EXTL3: variants seen among roughly 807,000 people sequenced by gnomAD.
EXTL3 encodes the protein exostosin-like 3.
In EXTL3, 27 loss-of-function variants were observed where a neutral mutation model predicts 69.3. The ratio of observed to expected loss-of-function variants is 0.39; its 90% CI spans 0.29 to 0.54. The LOEUF (loss-of-function observed/expected upper bound fraction) is 0.54. EXTL3 is among the 20% of genes least tolerant of loss of function. The pLI is 0.69. For missense variants in EXTL3, 1,003 were observed against 1,231.8 expected (o/e 0.81, Z 2.78); for synonymous variants, 511 against 499.4 (o/e 1.02, Z -0.31).
At chr8:28,620,750 C>G (rs906004003), upstream of EXTL3, among the ~76,000 whole-genome samples, 1 of 152,212 alleles carries the variant, frequency 6.6e-6, no homozygotes, top group African/African-American at 2.4e-5. Context: ...GGGTCTCACT[C>G]TATCACTCAG....
intron 4 of EXTL3, among the ~76,000 whole-genome samples, chr8:28,735,100 T>C (rs900752294): frequency 1.5e-5 from 2 of 132,808 alleles, no homozygotes; most frequent in African/African-American, 6.6e-5. Context: ...AGGTGTATTT[T>C]TTTTACACGA....
chr8:28,622,353 G>C (rs868704910), upstream of EXTL3, among the ~76,000 whole-genome samples: 1 of 152,364 alleles, frequency 6.6e-6, no homozygotes, highest in African/African-American at 2.4e-5. Context: ...CCTCCGCCGT[G>C]TGCAGCCGGG....
intron 2 of EXTL3, among the ~76,000 whole-genome samples, chr8:28,614,554 G>C (rs1252726236): frequency 1.3e-5 from 2 of 151,994 alleles, no homozygotes; most frequent in Non-Finnish European, 2.9e-5. Flanking sequence ...GATTACAGGT[G>C]TGAGGACCCC....
intron 3 of EXTL3, among the ~76,000 whole-genome samples, chr8:28,723,321 C>T (rs982877478): frequency 6.6e-6 from 1 of 152,200 alleles, no homozygotes; most frequent in Admixed American, 6.5e-5. Flanking sequence ...CAACATTTTA[C>T]TTAATAACTT....
chr8:28,630,854 G>A (rs533194179), intron 1 of EXTL3, among the ~76,000 whole-genome samples: 31 of 152,182 alleles, frequency 2.0e-4, no homozygotes, highest in Non-Finnish European at 3.8e-4. Context: ...AAGAAAGAAG[G>A]TATATCAGGA....
At chr8:28,741,555 A>T (rs983669305) in intron 5 of EXTL3, 1 of 151,920 alleles carries the variant, frequency 6.6e-6, no homozygotes, top group African/African-American at 2.4e-5. Context: ...GGCTCAAGTG[A>T]TCTTCTCACC....
At chr8:28,687,294 C>T (rs1049291968) in intron 1 of EXTL3, among the ~76,000 whole-genome samples, 8 of 152,124 alleles carry the variant, frequency 5.3e-5, no homozygotes, top group South Asian at 2.1e-4. Context: ...AGTGAAACCT[C>T]GCCTCTACTT....
At chr8:28,711,728 C>T in intron 1 of EXTL3, among the ~76,000 whole-genome samples, 1 of 152,038 alleles carries the variant, frequency 6.6e-6, no homozygotes, top group East Asian at 1.9e-4. Context: ...GATTCATTAA[C>T]ATTATGTTGA....
At chr8:28,612,086 C>A (rs957422352) in intron 2 of EXTL3, among the ~76,000 whole-genome samples, 1 of 152,188 alleles carries the variant, frequency 6.6e-6, no homozygotes, top group Non-Finnish European at 1.5e-5. Context: ...ATCTTCAGTG[C>A]AAATGTTCTT....
At position 28,737,503 on chromosome 8, in the gene EXTL3, A is replaced by G. The variant is rs1203654143; in HGVS notation, c.2277-16A>G. 6.2e-7 allele frequency: 1 copy of G among 1,613,964 alleles called. No individual in the cohort carries two copies. Among genetic ancestry groups the G allele is most frequent in the East Asian group, 2.2e-5 (1 of 44,890 alleles). On this transcript the variant is annotated splice_polypyrimidine_tract_variant and intron_variant, in intron 4 of 6. Transcript: ENST00000220562. ...GCTCTGTATTCAGGTCTGTGTATGC[A>G]CTTGTGTTTTTCAAGGGTGTGGAGA...
chr8:28,644,489 AG>A (rs1467123824), intron 1 of EXTL3, among the ~76,000 whole-genome samples: 1 of 152,118 alleles, frequency 6.6e-6, no homozygotes, highest in Non-Finnish European at 1.5e-5. Flanking sequence ...ACTAGAGGCC[AG>A]GAGTTTGAGA....
Position 28,747,728 on chromosome 8 carries a change from CTT to C in EXTL3, c.2551-2912_2551-2911del, listed in dbSNP as rs71549697. The stretch of plus-strand genomic sequence containing the variant: ...ACGTATATATGTATTTTTTCTTTTT[CTT>C]TTTTTTTTTTTTTTTTGAGATGGAG... On this transcript the variant is annotated intron_variant, in intron 6 of 6. Coordinates refer to ENST00000220562, the MANE Select transcript of EXTL3 (RefSeq NM_001440.4). Among the ~76,000 whole-genome samples, 133 of 124,736 alleles carry C rather than the reference CTT, an allele frequency of 1.1e-3. No homozygotes were observed. The East Asian group carries it at 0.012, about 11-fold the overall frequency. The allele number at this position is 124,736 out of a possible 152,430, so 81.8% of individuals were successfully genotyped here.
intron 1 of EXTL3, among the ~76,000 whole-genome samples, chr8:28,638,739 C>G (rs919674874): frequency 6.6e-6 from 1 of 152,134 alleles, no homozygotes; most frequent in South Asian, 2.1e-4. Flanking sequence ...TCGAGCGATT[C>G]TTCTGCCTCA....
chr8:28,632,753 C>T (rs906981744), intron 1 of EXTL3, among the ~76,000 whole-genome samples: 1 of 151,740 alleles, frequency 6.6e-6, no homozygotes, highest in Non-Finnish European at 1.5e-5. Flanking sequence ...GGGGTTTCAC[C>T]ATGTTGGCCA....
intron 1 of EXTL3, among the ~76,000 whole-genome samples, chr8:28,635,314 T>C (rs1310191697): frequency 6.7e-6 from 1 of 149,514 alleles, no homozygotes; most frequent in Non-Finnish European, 1.5e-5. Flanking sequence ...TCCCAGCTAC[T>C]CAGGAGGCTG....
intron 1 of EXTL3, among the ~76,000 whole-genome samples, chr8:28,627,235 GC>G (rs1806506419): frequency 6.6e-6 from 1 of 151,892 alleles, no homozygotes; most frequent in Non-Finnish European, 1.5e-5. Flanking sequence ...TTGAGGCTGG[GC>G]GCAGTGGCTC....
intron 1 of EXTL3, among the ~76,000 whole-genome samples, chr8:28,667,877 ATTTTC>A (rs1807221294): frequency 1.3e-5 from 2 of 151,644 alleles, no homozygotes; most frequent in African/African-American, 4.8e-5. Context: ...AAAAAAGAAT[ATTTTC>A]TTCCCTTGGC....
intron 1 of EXTL3, among the ~76,000 whole-genome samples, chr8:28,675,815 AG>A: frequency 6.6e-6 from 1 of 152,276 alleles, no homozygotes; most frequent in East Asian, 1.9e-4. Flanking sequence ...TGAGGTCAGG[AG>A]TTCGAGACCA....
At chr8:28,617,264 A>T (rs965078244) in intron 2 of EXTL3, among the ~76,000 whole-genome samples, 5 of 152,180 alleles carry the variant, frequency 3.3e-5, no homozygotes, top group Admixed American at 6.5e-5. Context: ...CTCATTTTTC[A>T]TGGGGATGGC....
Sources: gnomAD v4.1 joint callset for allele counts (sites outside exome capture counted in the v4.1 genomes callset) on GRCh38, gnomAD v4.1.1 for gene constraint, MANE v1.5 for transcripts, NCBI Gene and HGNC (gene_info 2026-07-23, HGNC 2026-07-21) for gene names.